The following ADAMTS14 variants were observed in gnomAD, a reference collection of about 807,000 sequenced individuals.
The protein encoded by ADAMTS14 is ADAM metallopeptidase with thrombospondin type 1 motif 14.
Under a neutral mutation model 128.6 loss-of-function variants are expected in ADAMTS14, and 100 were observed. The ratio of observed to expected loss-of-function variants is 0.78; its 90% CI spans 0.66 to 0.92. The LOEUF (loss-of-function observed/expected upper bound fraction) is 0.92, where lower values mean the gene tolerates loss of function less well. Ranked by LOEUF, ADAMTS14 falls within the 40% of genes least tolerant of loss-of-function variation. The pLI is 0.00. For missense variants in ADAMTS14, 1,562 were observed against 1,658.6 expected, an observed-to-expected ratio of 0.94 and a Z score of 1.01; for synonymous variants, 665 against 653.8, an observed-to-expected ratio of 1.02 and a Z score of -0.26.
At chr10:70,714,171 C>T (rs1840945714) in intron 4 of ADAMTS14, among the ~76,000 whole-genome samples, 3 of 151,954 alleles carry the variant, frequency 2.0e-5, no homozygotes, top group African/African-American at 7.3e-5. Flanking sequence ...CCACCCTGGC[C>T]AACAGAATAA....
At chr10:70,679,497 G>A (rs1413981774) in intron 2 of ADAMTS14, among the ~76,000 whole-genome samples, 7 of 152,156 alleles carry the variant, frequency 4.6e-5, no homozygotes, top group Admixed American at 1.3e-4. Context: ...AAGTTGTGGC[G>A]TGCAAGGTTG....
chr10:70,736,933 G>A, intron 10 of ADAMTS14, 140 bp downstream of exon 10: 1 of 696,808 alleles, frequency 1.4e-6, no homozygotes, highest in Non-Finnish European at 2.4e-6. Context: ...AAAAGACAGT[G>A]GTGAGTCCAG....
Position 70,716,600 on chromosome 10 carries a change from C to T in ADAMTS14, c.870+7822C>T, listed in dbSNP as rs550725177. Among the ~76,000 whole-genome samples the T allele has an allele frequency of 9.2e-4, 140 of 152,312 alleles. 2 individuals are homozygous for T. In the South Asian group the frequency reaches 0.018, roughly 19 times the overall value. On this transcript the variant is annotated intron_variant, in intron 4 of 21. Coordinates refer to ENST00000373207, the MANE Select transcript of ADAMTS14 (RefSeq NM_080722.4). ...TTATTTGGCTGGGATGCTTGACGCT[C>T]GAATTGCCTTAGGGGATTTCCATGG...
At chr10:70,695,108 A>G (rs762095174) in intron 2 of ADAMTS14, among the ~76,000 whole-genome samples, 16 of 152,182 alleles carry the variant, frequency 1.1e-4, no homozygotes, top group Non-Finnish European at 2.2e-4. Context: ...CTGATGACTG[A>G]TGATATTGAA....
chr10:70,731,033 ATGAC>A, intron 6 of ADAMTS14, among the ~76,000 whole-genome samples: 1 of 151,156 alleles, frequency 6.6e-6, no homozygotes, highest in South Asian at 2.1e-4. Context: ...TCTTGTCTGA[ATGAC>A]TGAAGCCCCA....
At chr10:70,728,680 A>G (rs1387699324) in intron 4 of ADAMTS14, among the ~76,000 whole-genome samples, 1 of 152,240 alleles carries the variant, frequency 6.6e-6, no homozygotes, top group African/African-American at 2.4e-5. Context: ...AGTGCTCTTC[A>G]AACTTGCCTA....
chr10:70,684,398 G>A (rs545309993), intron 2 of ADAMTS14, among the ~76,000 whole-genome samples: 12 of 152,354 alleles, frequency 7.9e-5, no homozygotes, highest in African/African-American at 2.9e-4. Flanking sequence ...AGGCCATAAA[G>A]CTGGACAAAA....
chr10:70,691,524 A>G (rs1433386862), intron 2 of ADAMTS14, among the ~76,000 whole-genome samples: 1 of 108,230 alleles, frequency 9.2e-6, no homozygotes, highest in Non-Finnish European at 2.4e-5. Flanking sequence ...GAAAAAAACA[A>G]AACTTCAAGC....
chr10:70,691,487 TAAAAAAAAAAAA>T (rs11373533), intron 2 of ADAMTS14, among the ~76,000 whole-genome samples: 2 of 86,694 alleles, frequency 2.3e-5, no homozygotes, highest in African/African-American at 7.8e-5. Context: ...GAGACCCTGT[TAAAAAAAAAAAA>T]AAAAAAAAAA....
chr10:70,686,138 T>C (rs1839943991), intron 2 of ADAMTS14, among the ~76,000 whole-genome samples: 1 of 152,200 alleles, frequency 6.6e-6, no homozygotes, highest in Non-Finnish European at 1.5e-5. Flanking sequence ...CTGCTTTCAG[T>C]AGCATGGCTG....
At chr10:70,720,713 G>A (rs1040035040) in intron 4 of ADAMTS14, among the ~76,000 whole-genome samples, 3 of 152,208 alleles carry the variant, frequency 2.0e-5, no homozygotes, top group African/African-American at 7.2e-5. Flanking sequence ...ACATGCACAT[G>A]CGTGCACACA....
intron 2 of ADAMTS14, among the ~76,000 whole-genome samples, chr10:70,679,204 A>G: frequency 6.6e-6 from 1 of 151,946 alleles, no homozygotes; most frequent in African/African-American, 2.4e-5. Context: ...CATTATAAAC[A>G]TGAAAGATAG....
chr10:70,760,873 C>G lies in ADAMTS14; in HGVS notation c.*20C>G, dbSNP rs373869653. On this transcript the variant is annotated 3_prime_UTR_variant, in exon 22 of 22. Transcript: ENST00000373207. ...ACATGAGCTGTGCCCTGCCATCCCACTGGCACGTTTACACTCTGTGTACTG... is the reference window on the plus strand; with the variant it reads ...ACATGAGCTGTGCCCTGCCATCCCAGTGGCACGTTTACACTCTGTGTACTG... The G allele has an allele frequency of 6.5e-7, 1 of 1,549,066 alleles. No individual in the cohort carries two copies. The highest frequency in any genetic ancestry group is 2.3e-5 in the East Asian group (1 of 44,250).
intron 12 of ADAMTS14, among the ~76,000 whole-genome samples, chr10:70,741,894 A>G (rs911490997): frequency 5.3e-5 from 8 of 152,164 alleles, no homozygotes; most frequent in African/African-American, 1.9e-4. Flanking sequence ...AGAGCCCTCA[A>G]TGATCCTCTG....
intron 11 of ADAMTS14, 93 bp downstream of exon 11, chr10:70,739,083 G>C: frequency 2.8e-6 from 4 of 1,446,942 alleles, no homozygotes; most frequent in Non-Finnish European, 3.7e-6. Flanking sequence ...CAGTGCAGGA[G>C]AGAAGGGCCC....
intron 3 of ADAMTS14, 53 bp downstream of exon 3, chr10:70,702,521 T>C (rs1354788883): frequency 6.5e-7 from 1 of 1,544,998 alleles, no homozygotes; most frequent in Non-Finnish European, 8.7e-7. Flanking sequence ...CTCTGGAGTG[T>C]TTCCCGGTCA....
At chr10:70,696,395 G>A (rs1219539420) in intron 2 of ADAMTS14, among the ~76,000 whole-genome samples, 2 of 151,826 alleles carry the variant, frequency 1.3e-5, no homozygotes, top group African/African-American at 2.4e-5. Flanking sequence ...GGGAGAGCTG[G>A]GACACAGACC....
rs149930436 is a variant in ADAMTS14 at position 70,732,334 on chromosome 10, G to A, written c.1183G>A (p.Val395Met). The A allele has an allele frequency of 9.0e-5, 146 of 1,614,000 alleles. No individual in the cohort carries two copies. The highest frequency in any genetic ancestry group is 1.2e-4 in the Non-Finnish European group (139 of 1,180,014). The change falls in exon 7 of 22, where the codon GTG (valine) becomes ATG (methionine). Residue 395 changes from valine to methionine, a missense_variant. Coordinates refer to ENST00000373207, the MANE Select transcript of ADAMTS14 (RefSeq NM_080722.4). ...NHEDGFSSAFVIAHETGHVLG... is the reference protein window; with the variant it reads ...NHEDGFSSAFMIAHETGHVLG... The stretch of plus-strand genomic sequence containing the variant: ...TGAGGATGGCTTCTCCTCAGCCTTC[G>A]TGATAGCTCATGAGACCGGCCACGT...
intron 7 of ADAMTS14, among the ~76,000 whole-genome samples, chr10:70,733,066 A>T (rs1841701061): frequency 2.0e-5 from 3 of 152,152 alleles, no homozygotes; most frequent in Non-Finnish European, 4.4e-5. Flanking sequence ...GAACCAAGAG[A>T]CACCATCAGC....
Sources: gnomAD v4.1 joint callset for allele counts (sites outside exome capture counted in the v4.1 genomes callset) on GRCh38, gnomAD v4.1.1 for gene constraint, MANE v1.5 for transcripts, NCBI Gene and HGNC (gene_info 2026-07-23, HGNC 2026-07-21) for gene names.